The following CIPC variants were observed in gnomAD, a reference collection of about 807,000 sequenced individuals.
The protein encoded by CIPC is CLOCK interacting pacemaker, also known as CLOCK-interacting pacemaker.
In CIPC, 12 loss-of-function variants were observed where a neutral mutation model predicts 26.7. The observed-to-expected ratio is 0.45, with a 90% confidence interval of 0.29 to 0.73. The LOEUF is 0.73. CIPC is among the 30% of genes least tolerant of loss of function. The pLI is 0.12. For synonymous variants in CIPC, 170 were observed against 189.8 expected, an observed-to-expected ratio of 0.90 and a Z score of 0.86; for missense variants, 417 against 486.5, an observed-to-expected ratio of 0.86 and a Z score of 1.34.
In CIPC at chr14:77,100,240, CTT is replaced by C. The variant is rs57785837; in HGVS notation, c.-53+1897_-53+1898del. 1.7e-3 allele frequency among the ~76,000 whole-genome samples: 216 copies of C among 130,472 alleles called. 3 individuals are homozygous for C. Among genetic ancestry groups the C allele is most frequent in the East Asian group, 5.7e-3 (26 of 4,568 alleles). The allele number at this position is 130,472 out of a possible 152,430, so 85.6% of individuals were successfully genotyped here. A position where few individuals can be genotyped will look rare whatever the true frequency, so the allele number is the denominator to read the frequency against. Reference sequence around the variant, plus strand: ...ATTTATTGATTCACTTTCTTTCTTTCTTTTTTTTTTTTTTTTTTTGAGACGGA... The same window carrying C: ...ATTTATTGATTCACTTTCTTTCTTTCTTTTTTTTTTTTTTTTTGAGACGGA... On this transcript the variant is annotated intron_variant, in intron 1 of 3. Transcript: ENST00000361786.
rs10483881 is a variant in CIPC, at chr14:77,116,140, G to T, written c.*1822G>T. On this transcript the variant is annotated 3_prime_UTR_variant, in exon 4 of 4. Coordinates refer to ENST00000361786, the MANE Select transcript of CIPC (RefSeq NM_033426.3). ...AACGTGTGATTTAGATATGACTGAT[G>T]TAGAAGTGAACAACTTGGTAACATC... The T allele has an allele frequency of 0.97, 147,764 of 152,340 alleles. 71,784 individuals carry two copies. Among genetic ancestry groups the T allele is most frequent in the East Asian group, 1 (5,192 of 5,192 alleles). The allele number at this position is 152,340 out of a possible 1,614,324, so 9.4% of individuals were successfully genotyped here.
At chr14:77,107,050 TG>T (rs1886604157) in intron 2 of CIPC, among the ~76,000 whole-genome samples, 1 of 152,234 alleles carries the variant, frequency 6.6e-6, no homozygotes, top group African/African-American at 2.4e-5. Context: ...GCCTGGAATG[TG>T]GGTTCTTTTA....
chr14:77,114,155 C>G lies in CIPC; in HGVS notation c.1037C>G (p.Thr346Ser), dbSNP rs1415342215. 1 of 1,614,022 alleles carries G rather than the reference C, an allele frequency of 6.2e-7. No homozygotes were observed. The highest frequency in any genetic ancestry group is 1.3e-5 in the African/African-American group (1 of 74,934). Reference sequence around the variant, plus strand: ...GAGTTGATTCGTCAGAATCAGGCAACTCAGGTAGAACTAGACCAGCTAAAG... The same window carrying G: ...GAGTTGATTCGTCAGAATCAGGCAAGTCAGGTAGAACTAGACCAGCTAAAG... ...TKELIRQNQA[T>S]QVELDQLKEQ... The change falls in exon 4 of 4, where the codon ACT becomes AGT. Residue 346 changes from threonine to serine, a missense_variant. Coordinates refer to ENST00000361786, the MANE Select transcript of CIPC (RefSeq NM_033426.3).
intron 1 of CIPC, among the ~76,000 whole-genome samples, chr14:77,102,410 G>A (rs1272356751): frequency 6.6e-6 from 1 of 152,166 alleles, no homozygotes; most frequent in Non-Finnish European, 1.5e-5. Flanking sequence ...TTATGCTAAA[G>A]TGCCATACTT....
chr14:77,112,884 G>A (rs143666202), intron 3 of CIPC, among the ~76,000 whole-genome samples: 7,538 of 151,964 alleles, frequency 0.05, 280 homozygotes, highest in Non-Finnish European at 0.07. Context: ...CTAATTTTTT[G>A]TATTTTTTAG....
In CIPC at chr14:77,116,959, CT is replaced by C. The variant is rs1163453679; in HGVS notation, c.*2645del. On this transcript the variant is annotated 3_prime_UTR_variant, in exon 4 of 4. Coordinates refer to ENST00000361786, the MANE Select transcript of CIPC (RefSeq NM_033426.3). ...TAGCTCAGAGCAACCCTTAAGAGAA[CT>C]TTTGGCAGATTTTGTTGGCATTATT... 2 of 152,174 alleles carry C rather than the reference CT, an allele frequency of 1.3e-5. No homozygotes were observed. Among genetic ancestry groups the C allele is most frequent in the African/African-American group, 4.8e-5 (2 of 41,442 alleles). 9.4% of individuals were successfully genotyped at this position (152,174 alleles called of 1,614,324 possible).
intron 1 of CIPC, among the ~76,000 whole-genome samples, chr14:77,104,485 C>T (rs1886552447): frequency 6.6e-6 from 1 of 152,196 alleles, no homozygotes; most frequent in African/African-American, 2.4e-5. Context: ...ATCTAAAATC[C>T]TTCCAACATG....
At chr14:77,112,317 A>T (rs17105348) in intron 3 of CIPC, among the ~76,000 whole-genome samples, 4,196 of 152,296 alleles carry the variant, frequency 0.028, 203 homozygotes, top group African/African-American at 0.096. Context: ...ATTTCGTCTG[A>T]ATCAATACTT....
intron 1 of CIPC, among the ~76,000 whole-genome samples, chr14:77,105,407 G>T (rs534452020): frequency 1.3e-5 from 2 of 152,350 alleles, no homozygotes; most frequent in East Asian, 3.9e-4. Context: ...AGTTTACAAA[G>T]CGAATGCTGA....
chr14:77,102,674 A>C (rs1029446293), intron 1 of CIPC, among the ~76,000 whole-genome samples: 1 of 152,214 alleles, frequency 6.6e-6, no homozygotes, highest in African/African-American at 2.4e-5. Flanking sequence ...TTAGTAAGAT[A>C]ATGTGAAACT....
At position 77,116,238 on chromosome 14, in the gene CIPC, AAATGTGTCTTT is replaced by A. The variant is rs1886811431; in HGVS notation, c.*1922_*1932del. 6.6e-6 allele frequency: 1 copy of A among 152,214 alleles called. No individual in the cohort carries two copies. The highest frequency in any genetic ancestry group is 1.5e-5 in the Non-Finnish European group (1 of 68,052). 9.4% of individuals were successfully genotyped at this position (152,214 alleles called of 1,614,324 possible). On this transcript the variant is annotated 3_prime_UTR_variant, in exon 4 of 4. Coordinates refer to ENST00000361786, the MANE Select transcript of CIPC (RefSeq NM_033426.3). ...CTGAAAGAATTTCAGAAATCAGAGC[AAATGTGTCTTT>A]AGGCAGATTCAGCTCCTTTTAATAT...
chr14:77,101,092 G>T (rs534996000), intron 1 of CIPC, among the ~76,000 whole-genome samples: 2 of 152,126 alleles, frequency 1.3e-5, no homozygotes, highest in Non-Finnish European at 2.9e-5. Context: ...GAACACAGTG[G>T]GTAAGAGCTT....
At chr14:77,113,347 G>A in intron 3 of CIPC, 78 bp from the exon 4 acceptor site, 1 of 1,487,312 alleles carries the variant, frequency 6.7e-7, no homozygotes, top group Non-Finnish European at 9.3e-7. Flanking sequence ...GTATCCACTT[G>A]CCCCTTTGAC....
intron 2 of CIPC, among the ~76,000 whole-genome samples, chr14:77,106,356 T>G (rs1886590575): frequency 6.6e-6 from 1 of 152,226 alleles, no homozygotes; most frequent in African/African-American, 2.4e-5. Flanking sequence ...ATTTTGTATT[T>G]GGACTGTGAG....
At position 77,114,304 on chromosome 14, in the gene CIPC, C is replaced by G. The variant is rs139243882; in HGVS notation, c.1186C>G (p.His396Asp). The G allele has an allele frequency of 2.9e-5, 47 of 1,609,692 alleles. No individual in the cohort carries two copies. In the African/African-American group the frequency reaches 5.9e-4, roughly 20 times the overall value. Residue 396 changes from histidine to aspartate, a missense_variant, in exon 4 of 4, where the codon CAC (histidine) becomes GAC (aspartate). Coordinates refer to ENST00000361786, the MANE Select transcript of CIPC (RefSeq NM_033426.3). ...CAGTGACCTAGAAGCATTCTCTGAT[C>G]ACCCAGCCATATAGCACAGAGGCAT... ...TGSDLEAFSDHPAI is the reference protein window; with the variant it reads ...TGSDLEAFSDDPAI
chr14:77,106,294 G>A, intron 2 of CIPC, among the ~76,000 whole-genome samples: 1 of 152,022 alleles, frequency 6.6e-6, no homozygotes, highest in Non-Finnish European at 1.5e-5. Context: ...AAGTAGTTTC[G>A]CTGTGTTTAG....
chr14:77,100,794 C>G (rs1483950719), intron 1 of CIPC, among the ~76,000 whole-genome samples: 2 of 152,108 alleles, frequency 1.3e-5, no homozygotes, highest in South Asian at 4.1e-4. Context: ...GTCTCGAACT[C>G]CTGACCTCAG....
intron 1 of CIPC, among the ~76,000 whole-genome samples, chr14:77,104,224 T>A (rs907403986): frequency 1.3e-5 from 2 of 152,122 alleles, no homozygotes; most frequent in African/African-American, 4.8e-5. Flanking sequence ...ATCCTGTCTC[T>A]ACAAAAAACA....
At chr14:77,108,583 C>T (rs1379821632) in intron 2 of CIPC, among the ~76,000 whole-genome samples, 3 of 151,740 alleles carry the variant, frequency 2.0e-5, no homozygotes, top group Admixed American at 6.6e-5. Context: ...CCCAGCTGCT[C>T]GGGAGGCTGA....
Sources: gnomAD v4.1 joint callset for allele counts (sites outside exome capture counted in the v4.1 genomes callset) on GRCh38, gnomAD v4.1.1 for gene constraint, MANE v1.5 for transcripts, NCBI Gene and HGNC (gene_info 2026-07-23, HGNC 2026-07-21) for gene names.